Variants in L3MBTL4 observed in about 807,000 individuals in gnomAD.
L3MBTL4 encodes the protein lethal(3)malignant brain tumor-like protein 4.
In L3MBTL4, 70 loss-of-function variants were observed where a neutral mutation model predicts 84.5. The ratio of observed to expected loss-of-function variants is 0.83; its 90% CI spans 0.68 to 1.01. The LOEUF (loss-of-function observed/expected upper bound fraction) is 1.01. Ranked by LOEUF, L3MBTL4 falls within the 50% of genes least tolerant of loss-of-function variation. The pLI, the probability that L3MBTL4 is intolerant of heterozygous loss-of-function variation, is 0.00. For missense variants in L3MBTL4, 715 were observed against 754.8 expected (o/e 0.95, Z 0.62); for synonymous variants, 274 against 259.8 (o/e 1.05, Z -0.52).
chr18:6,093,279 T>C (rs1421577438), intron 15 of L3MBTL4, 76 bp downstream of exon 15: 5 of 1,128,594 alleles, frequency 4.4e-6, no homozygotes, highest in East Asian at 5.2e-5. Context: ...ATAGAAACTA[T>C]TACTATTAAC....
intron 12 of L3MBTL4, among the ~76,000 whole-genome samples, chr18:6,192,641 A>C (rs1362799523): frequency 6.6e-6 from 1 of 152,196 alleles, no homozygotes; most frequent in African/African-American, 2.4e-5. Flanking sequence ...ATCGTTATCT[A>C]GGAGAATGGG....
chr18:6,214,232 C>T (rs1273059324), intron 11 of L3MBTL4, among the ~76,000 whole-genome samples: 1 of 152,158 alleles, frequency 6.6e-6, no homozygotes, highest in African/African-American at 2.4e-5. Context: ...CCTGTAATCC[C>T]AGCACTTTGG....
At chr18:6,216,339 T>A (rs902782318) in intron 10 of L3MBTL4, among the ~76,000 whole-genome samples, 48 of 152,330 alleles carry the variant, frequency 3.2e-4, no homozygotes, top group African/African-American at 1.1e-3. Context: ...AACTATATAT[T>A]GAACATGATA....
At chr18:6,326,316 A>G (rs186731923) in intron 1 of L3MBTL4, 1 of 152,412 alleles carries the variant, frequency 6.6e-6, no homozygotes, top group Admixed American at 6.5e-5. Context: ...AGACAGAAAC[A>G]AAGTGATCAA....
At chr18:6,168,721 A>C (rs2043810644) in intron 13 of L3MBTL4, among the ~76,000 whole-genome samples, 3 of 152,074 alleles carry the variant, frequency 2.0e-5, no homozygotes, top group Admixed American at 6.5e-5. Context: ...AACCATAAAA[A>C]CCCTAGAAGA....
chr18:6,123,521 T>C (rs1425884435), intron 14 of L3MBTL4, among the ~76,000 whole-genome samples: 3 of 152,174 alleles, frequency 2.0e-5, no homozygotes, highest in Admixed American at 1.3e-4. Flanking sequence ...CCAGCCACCA[T>C]GTAAGATGTG....
chr18:6,269,314 A>T (rs1292714874), intron 4 of L3MBTL4, among the ~76,000 whole-genome samples: 1 of 151,982 alleles, frequency 6.6e-6, no homozygotes, highest in African/African-American at 2.4e-5. Flanking sequence ...AAAATTAGCC[A>T]GGAATGGTGG....
intron 3 of L3MBTL4, among the ~76,000 whole-genome samples, chr18:6,308,509 G>A (rs1337634046): frequency 6.6e-6 from 1 of 152,168 alleles, no homozygotes; most frequent in Non-Finnish European, 1.5e-5. Flanking sequence ...ATATAACATT[G>A]TGTATAACCA....
intron 14 of L3MBTL4, among the ~76,000 whole-genome samples, chr18:6,102,732 C>T (rs540027060): frequency 6.6e-6 from 1 of 152,206 alleles, no homozygotes; most frequent in South Asian, 2.1e-4. Context: ...TGAAGGGCAA[C>T]CTCCACTGGA....
chr18:6,036,360 T>C (rs2056140314), intron 16 of L3MBTL4, among the ~76,000 whole-genome samples: 1 of 151,800 alleles, frequency 6.6e-6, no homozygotes, highest in South Asian at 2.1e-4. Context: ...TCAAGTTTGC[T>C]GATTCTGTTT....
chr18:6,083,221 C>CAG lies in L3MBTL4; in HGVS notation c.1374-2272_1374-2271dup, dbSNP rs547057614. ...GGCACGGATAAAGGGAAGTCACAGG[C>CAG]AGAGACTTGACTGTTGCTGGGCCAG... On this transcript the variant is annotated intron_variant, in intron 15 of 18. Transcript: ENST00000317931. Among the ~76,000 whole-genome samples the CAG allele has an allele frequency of 7.9e-4, 121 of 152,314 alleles. 1 individual carries two copies. Among genetic ancestry groups the CAG allele is most frequent in the African/African-American group, 2.6e-3 (110 of 41,576 alleles).
At chr18:5,970,365 T>G (rs1198738065) in intron 16 of L3MBTL4, among the ~76,000 whole-genome samples, 3 of 152,250 alleles carry the variant, frequency 2.0e-5, no homozygotes, top group Non-Finnish European at 4.4e-5. Flanking sequence ...GGGATCTCCA[T>G]GCACTTCAGC....
chr18:6,309,573 A>G (rs1297985504), intron 3 of L3MBTL4, among the ~76,000 whole-genome samples: 1 of 152,240 alleles, frequency 6.6e-6, no homozygotes, highest in East Asian at 1.9e-4. Context: ...GCCCTGCACT[A>G]AAAGCATATC....
chr18:6,028,347 G>A (rs2055610494), intron 16 of L3MBTL4, among the ~76,000 whole-genome samples: 2 of 152,152 alleles, frequency 1.3e-5, no homozygotes, highest in Non-Finnish European at 2.9e-5. Context: ...AATGGTTGTA[G>A]ATGTGTGGTG....
chr18:6,364,379 A>T (rs1373792765), intron 1 of L3MBTL4, among the ~76,000 whole-genome samples: 3 of 152,024 alleles, frequency 2.0e-5, no homozygotes, highest in African/African-American at 7.2e-5. Context: ...TATATAAGAC[A>T]TGCATAATAC....
chr18:6,291,608 C>A (rs1428969547), intron 4 of L3MBTL4, among the ~76,000 whole-genome samples: 1 of 152,116 alleles, frequency 6.6e-6, no homozygotes, highest in Admixed American at 6.5e-5. Context: ...AAAGGACATT[C>A]GCTTCAATAA....
At position 6,029,324 on chromosome 18, in the gene L3MBTL4, A is replaced by C. The variant is rs1243838140; in HGVS notation, c.1444+51557T>G. 6.1e-5 allele frequency: 26 copies of C among 427,842 alleles called. 1 individual carries two copies. The East Asian group carries it at 3.9e-3, about 65-fold the overall frequency. The allele number at this position is 427,842 out of a possible 1,614,324, so 26.5% of individuals were successfully genotyped here. On this transcript the variant is annotated intron_variant, in intron 16 of 18. Transcript: ENST00000317931. ...TTAAATACACTATTATAAAGTAATTAAGATATTTCAGTTCAAGGGGAAAAT... is the reference window on the plus strand; with the variant it reads ...TTAAATACACTATTATAAAGTAATTCAGATATTTCAGTTCAAGGGGAAAAT...
intron 16 of L3MBTL4, chr18:6,030,515 T>A (rs77881621): frequency 1.3e-6 from 1 of 787,986 alleles, no homozygotes; most frequent in East Asian, 1.3e-4. Flanking sequence ...TTTTTTTTTT[T>A]GGAGAAGGAG....
At chr18:6,266,615 G>A (rs976751712) in intron 4 of L3MBTL4, among the ~76,000 whole-genome samples, 3 of 152,080 alleles carry the variant, frequency 2.0e-5, no homozygotes, top group South Asian at 2.1e-4. Flanking sequence ...AATAATTCAC[G>A]TAAACTTTTT....
Sources: allele counts gnomAD v4.1 joint callset (sites outside exome capture counted in the v4.1 genomes callset), GRCh38; gene constraint gnomAD v4.1.1; transcripts MANE v1.5; gene names NCBI Gene and HGNC (gene_info 2026-07-23, HGNC 2026-07-21).